The following SLC6A20 variants were observed in gnomAD, a reference collection of about 807,000 sequenced individuals.
SLC6A20 encodes the protein sodium- and chloride-dependent transporter XTRP3.
In SLC6A20, 73 loss-of-function variants were observed where a neutral mutation model predicts 64.3. That is an observed-to-expected ratio of 1.14 (90% CI 0.94 to 1.38). SLC6A20 has a LOEUF of 1.38. Ranked by LOEUF, SLC6A20 falls within the 40% of genes most tolerant of loss-of-function variation. SLC6A20 has a pLI of 0.00. For missense variants in SLC6A20, 725 were observed against 772.8 expected (o/e 0.94, Z 0.73); for synonymous variants, 347 against 329.6 (o/e 1.05, Z -0.57).
intron 8 of SLC6A20, 78 bp from the exon 9 acceptor site, chr3:45,763,150 G>T (rs1699715573): frequency 6.4e-7 from 1 of 1,571,384 alleles, no homozygotes; most frequent in Non-Finnish European, 8.7e-7. Context: ...AGGACAGTGG[G>T]GTCGTCGGCC....
chr3:45,775,418 G>A (rs1411327774), intron 4 of SLC6A20, among the ~76,000 whole-genome samples: 3 of 152,120 alleles, frequency 2.0e-5, no homozygotes, highest in Admixed American at 6.5e-5. Flanking sequence ...AGGGTGTCTC[G>A]AGGATACATA....
chr3:45,771,483 T>C, intron 5 of SLC6A20, 25 bp from the exon 6 acceptor site: 1 of 1,612,856 alleles, frequency 6.2e-7, no homozygotes, highest in Non-Finnish European at 8.5e-7. Flanking sequence ...GGGACAGGGC[T>C]GATGATCCCT....
intron 9 of SLC6A20, among the ~76,000 whole-genome samples, chr3:45,761,023 T>C (rs960317212): frequency 2.6e-5 from 4 of 152,210 alleles, no homozygotes; most frequent in African/African-American, 9.6e-5. Context: ...AGCCCCTCCC[T>C]CCCTGGGACC....
At chr3:45,795,495 G>T (rs1018224035) in intron 1 of SLC6A20, among the ~76,000 whole-genome samples, 1 of 152,114 alleles carries the variant, frequency 6.6e-6, no homozygotes, top group African/African-American at 2.4e-5. Flanking sequence ...TCAGAACTCT[G>T]ACAATTTCCT....
intron 8 of SLC6A20, among the ~76,000 whole-genome samples, chr3:45,764,524 GA>G (rs1699739972): frequency 6.6e-6 from 1 of 152,024 alleles, no homozygotes; most frequent in Non-Finnish European, 1.5e-5. Flanking sequence ...CCAACACGGG[GA>G]AACCCCATCT....
rs149068093 is a variant in SLC6A20, at chr3:45,775,783, C to G, written c.560G>C (p.Arg187Pro). Residue 187 changes from arginine (R) to proline (P), a missense_variant, in exon 4 of 11, where the codon CGT (arginine) becomes CCT (proline). By Grantham distance (103) the Arg-to-Pro change is moderately radical. Transcript: ENST00000358525. ...AWLVVYLCIL[R>P]GTESTGKVVY... Reference sequence around the variant, plus strand: ...CACCTTGCCAGTGGACTCGGTGCCACGCAGGATGCACAGGTACACCACCAG... The same window carrying G: ...CACCTTGCCAGTGGACTCGGTGCCAGGCAGGATGCACAGGTACACCACCAG... The G allele has an allele frequency of 6.2e-7, 1 of 1,613,900 alleles. No homozygotes were observed. Among genetic ancestry groups the G allele is most frequent in the South Asian group, 1.1e-5 (1 of 91,072 alleles).
chr3:45,771,536 C>G, intron 5 of SLC6A20, 78 bp from the exon 6 acceptor site: 8 of 1,584,446 alleles, frequency 5.0e-6, no homozygotes, highest in Non-Finnish European at 5.2e-6. Context: ...GGAGAGTAGC[C>G]CAGAGAGGGG....
Position 45,765,773 on chromosome 3 carries a change from C to A in SLC6A20, c.1099-32G>T, listed in dbSNP as rs1223791834. The A allele has an allele frequency of 1.2e-6, 2 of 1,612,150 alleles. No homozygotes were observed. The highest frequency in any genetic ancestry group is 1.7e-6 in the Non-Finnish European group (2 of 1,178,490). On this transcript the variant is annotated intron_variant, in intron 7 of 10. Transcript: ENST00000358525. This position sits in a 1 kb window ranked among gnomAD's most constrained non-coding sequence, Gnocchi z 4.2. ...AGGGTGAGAAGACACCAGTTACATG[C>A]AAGAGGGACTTATAGTCTTATTCAC... is the stretch of plus-strand genomic sequence containing the variant.
intron 2 of SLC6A20, among the ~76,000 whole-genome samples, chr3:45,780,859 C>T (rs73830462): frequency 0.042 from 6,422 of 152,266 alleles, 391 homozygotes; most frequent in African/African-American, 0.13. Flanking sequence ...AGGGCTTCCC[C>T]TCCCCACCCC....
intron 10 of SLC6A20, 38 bp downstream of exon 10, chr3:45,759,819 T>C (rs762501854): frequency 1.9e-6 from 3 of 1,577,590 alleles, no homozygotes; most frequent in Non-Finnish European, 2.6e-6. Flanking sequence ...TCAGTGGCCA[T>C]GGGGGCCCAG....
chr3:45,765,765 G>T lies in SLC6A20; in HGVS notation c.1099-24C>A. 2.5e-6 allele frequency: 4 copies of T among 1,613,404 alleles called. No individual in the cohort carries two copies. The highest frequency in any genetic ancestry group is 3.4e-6 in the Non-Finnish European group (4 of 1,179,454). On this transcript the variant is annotated intron_variant, in intron 7 of 10. Transcript: ENST00000358525. The surrounding 1 kb of genome is among the most constrained non-coding windows in gnomAD (Gnocchi z 4.2). ...GCCTGCCCAGGGTGAGAAGACACCA[G>T]TTACATGCAAGAGGGACTTATAGTC...
intron 1 of SLC6A20, among the ~76,000 whole-genome samples, chr3:45,791,945 A>T (rs2125658667): frequency 6.6e-6 from 1 of 152,312 alleles, no homozygotes; most frequent in African/African-American, 2.4e-5. Flanking sequence ...TAGCCCGGGG[A>T]TCAAAGGAGG....
intron 1 of SLC6A20, among the ~76,000 whole-genome samples, chr3:45,788,790 G>A (rs1010021417): frequency 2.6e-5 from 4 of 152,270 alleles, no homozygotes; most frequent in Admixed American, 2.0e-4. Flanking sequence ...CTGAGAAAGC[G>A]AACCACCTAT....
At chr3:45,789,599 T>G (rs186422575) in intron 1 of SLC6A20, among the ~76,000 whole-genome samples, 217 of 77,808 alleles carry the variant, frequency 2.8e-3, no homozygotes, top group Non-Finnish European at 4.0e-3. Flanking sequence ...TTAAAATAAG[T>G]TAATTTTGAA....
intron 3 of SLC6A20, among the ~76,000 whole-genome samples, chr3:45,778,505 G>T (rs987288830): frequency 1.3e-5 from 2 of 152,174 alleles, no homozygotes; most frequent in Non-Finnish European, 2.9e-5. Flanking sequence ...TTCATGAATC[G>T]CTGGCCCCCA....
rs2252547 is a variant in SLC6A20, at chr3:45,780,132, T to G, written c.263-32A>C. The G allele has an allele frequency of 1.9e-6, 3 of 1,555,470 alleles. No homozygotes were observed. The South Asian group carries it at 3.5e-5, about 18-fold the overall frequency. ...GGAAGCAGAGGGCCGCGCTGAGGACTGAGGATGGCCCTTCCCCCTCCGCCA... is the reference window on the plus strand; with the variant it reads ...GGAAGCAGAGGGCCGCGCTGAGGACGGAGGATGGCCCTTCCCCCTCCGCCA... On this transcript the variant is annotated intron_variant, in intron 2 of 10. Coordinates refer to ENST00000358525, the MANE Select transcript of SLC6A20 (RefSeq NM_020208.4).
chr3:45,766,368 C>A (rs550396451), intron 7 of SLC6A20, among the ~76,000 whole-genome samples: 5 of 152,360 alleles, frequency 3.3e-5, no homozygotes, highest in Admixed American at 6.5e-5. Context: ...GAAGCCCCCC[C>A]ACCCGGTTTA....
chr3:45,760,268 A>G (rs1314405124), intron 9 of SLC6A20, among the ~76,000 whole-genome samples: 1 of 152,240 alleles, frequency 6.6e-6, no homozygotes, highest in Non-Finnish European at 1.5e-5. Flanking sequence ...GGACATCAGA[A>G]GACGCCTTCC....
intron 2 of SLC6A20, among the ~76,000 whole-genome samples, chr3:45,781,677 T>C (rs548304103): frequency 6.6e-6 from 1 of 152,330 alleles, no homozygotes; most frequent in South Asian, 2.1e-4. Flanking sequence ...ATATATCCTA[T>C]AGGCTGGCTC....
Sources: gnomAD v4.1 joint callset for allele counts (sites outside exome capture counted in the v4.1 genomes callset) on GRCh38, gnomAD v4.1.1 for gene constraint, Gnocchi (gnomAD v3.1) non-coding constraint, MANE v1.5 for transcripts, NCBI Gene and HGNC (gene_info 2026-07-23, HGNC 2026-07-21) for gene names.